Variants in RP1 observed in about 807,000 individuals in gnomAD.
RP1 encodes oxygen-regulated protein 1.
RP1 carries 16 observed loss-of-function variants against 14.8 expected under a neutral mutation model. The observed-to-expected ratio is 1.08, with a 90% CI of 0.73 to 1.65. RP1 has a LOEUF of 1.65. RP1 is among the 40% of genes most tolerant of loss of function. The pLI, the probability that RP1 is intolerant of heterozygous loss-of-function variation, is 0.00. For synonymous variants in RP1, 876 were observed against 883.6 expected (o/e 0.99, Z 0.15); for missense variants, 2,631 against 2,535.0 (o/e 1.04, Z -0.81).
chr8:54,734,724 G>C, exon 18 of RP1: 1 of 1,532,098 alleles, frequency 6.5e-7, no homozygotes, highest in Non-Finnish European at 8.7e-7. Flanking sequence ...CTTCCTTCCA[G>C]GACACGAGGA....
At chr8:54,691,150 A>G (rs979919227) in intron 12 of RP1, among the ~76,000 whole-genome samples, 1 of 152,028 alleles carries the variant, frequency 6.6e-6, no homozygotes, top group African/African-American at 2.4e-5. Flanking sequence ...CATATGGAGG[A>G]AGATTAGAAA....
intron 1 of RP1, among the ~76,000 whole-genome samples, chr8:54,617,870 G>C (rs542588894): frequency 6.6e-6 from 1 of 152,298 alleles, no homozygotes; most frequent in African/African-American, 2.4e-5. Context: ...CTTTCCAAAT[G>C]ATGACATTGT....
At chr8:54,806,756 T>C (rs1391474699) in intron 24 of RP1, among the ~76,000 whole-genome samples, 1 of 151,646 alleles carries the variant, frequency 6.6e-6, no homozygotes, top group African/African-American at 2.4e-5. Context: ...TTTGTATTTT[T>C]ACAAAAAAAA....
intron 12 of RP1, among the ~76,000 whole-genome samples, chr8:54,693,471 G>T (rs1807771665): frequency 6.6e-6 from 1 of 152,076 alleles, no homozygotes; most frequent in Non-Finnish European, 1.5e-5. Context: ...TCTTCCATTT[G>T]TTTGTATCCT....
At chr8:54,763,104 G>A (rs567680666) in intron 22 of RP1, among the ~76,000 whole-genome samples, 17 of 152,258 alleles carry the variant, frequency 1.1e-4, no homozygotes, top group African/African-American at 3.8e-4. Context: ...AGTGGATTCT[G>A]TAATGTATTG....
At chr8:54,812,108 C>A (rs543406610) in intron 24 of RP1, among the ~76,000 whole-genome samples, 3 of 152,288 alleles carry the variant, frequency 2.0e-5, no homozygotes, top group Non-Finnish European at 2.9e-5. Flanking sequence ...GTCATCAATA[C>A]AATAAGAAAT....
chr8:54,790,876 T>C lies in RP1; in HGVS notation c.3615+7166T>C, dbSNP rs527865186. Reference sequence around the variant, plus strand: ...AATGGGATACCATCAAGTGAAACAATATATGCATTATGAAAATTCCAGAAG... The same window carrying C: ...AATGGGATACCATCAAGTGAAACAACATATGCATTATGAAAATTCCAGAAG... On this transcript the variant is annotated intron_variant, in intron 24 of 28. Coordinates refer to the RP1 transcript ENST00000637698. Among the ~76,000 whole-genome samples the C allele has an allele frequency of 1.6e-3, 236 of 152,228 alleles. 1 individual carries two copies. The highest frequency in any genetic ancestry group is 5.3e-3 in the African/African-American group (222 of 41,536).
At chr8:54,680,944 C>T (rs1241582556) in intron 12 of RP1, among the ~76,000 whole-genome samples, 12 of 147,160 alleles carry the variant, frequency 8.2e-5, no homozygotes, top group South Asian at 2.2e-4. Flanking sequence ...GGCGACAGAG[C>T]GAGACTCTGT....
At chr8:54,755,670 C>T (rs774953241) in exon 21 of RP1, 67 of 1,535,864 alleles carry the variant, frequency 4.4e-5, no homozygotes, top group Middle Eastern at 1.7e-4. Context: ...CATGCAGAGA[C>T]GGAGTCTGAG....
In RP1 at chr8:54,673,369, T is replaced by A. The variant is rs1207074236; in HGVS notation, c.1324-481T>A. ...ATCGGAAGTATTCTGTGATTTTCAC[T>A]TTTTGTCTGTATTCTGAATATATAA... On this transcript the variant is annotated intron_variant, in intron 7 of 22. Coordinates refer to the RP1 transcript ENST00000636932. Among the ~76,000 whole-genome samples, 4 of 152,358 alleles carry A rather than the reference T, an allele frequency of 2.6e-5. No individual in the cohort carries two copies. In the East Asian group the frequency reaches 7.7e-4, roughly 29 times the overall value.
In RP1 at chr8:54,865,677, C is replaced by A. The variant is rs115024105; in HGVS notation, c.4070-158C>A. Among the ~76,000 whole-genome samples the A allele has an allele frequency of 1.7e-3, 177 of 104,478 alleles. 2 individuals are homozygous for A. The highest frequency in any genetic ancestry group is 3.1e-3 in the Non-Finnish European group (147 of 47,788). 68.5% of individuals were successfully genotyped at this position (104,478 alleles called of 152,430 possible). On this transcript the variant is annotated intron_variant, in intron 27 of 28. Coordinates refer to the RP1 transcript ENST00000637698. The stretch of plus-strand genomic sequence containing the variant: ...TCTGAGTAATTAGGTTGCTCACTCA[C>A]ATTTTCATTTCTCTACGGGCATAAT...
intron 1 of RP1, among the ~76,000 whole-genome samples, chr8:54,565,692 C>T (rs1456492814): frequency 3.9e-5 from 6 of 152,140 alleles, no homozygotes; most frequent in Non-Finnish European, 8.8e-5. Flanking sequence ...CTGTTACTCT[C>T]TGGGGGTGGA....
chr8:54,614,598 C>T (rs994229614), upstream of RP1, among the ~76,000 whole-genome samples: 27 of 152,224 alleles, frequency 1.8e-4, no homozygotes, highest in Middle Eastern at 3.4e-3. Flanking sequence ...TATGGTAGCT[C>T]GACTGGATAA....
chr8:54,749,340 A>G (rs952426862), intron 19 of RP1, among the ~76,000 whole-genome samples: 1 of 151,940 alleles, frequency 6.6e-6, no homozygotes, highest in Non-Finnish European at 1.5e-5. Flanking sequence ...CAAAAAAAAA[A>G]CAAAACAAAA....
chr8:54,668,679 T>G (rs1807074483), intron 7 of RP1, among the ~76,000 whole-genome samples: 1 of 151,992 alleles, frequency 6.6e-6, no homozygotes, highest in Non-Finnish European at 1.5e-5. Flanking sequence ...AAAACAGAGA[T>G]ATAGACCAAT....
At chr8:54,615,402 G>A (rs147161748), upstream of RP1, among the ~76,000 whole-genome samples, 49 of 152,262 alleles carry the variant, frequency 3.2e-4, no homozygotes, top group Non-Finnish European at 4.4e-4. Context: ...TAGGAAACCC[G>A]ATTAGGTGAA....
intron 1 of RP1, among the ~76,000 whole-genome samples, chr8:54,581,017 T>G (rs7015166): frequency 6.6e-6 from 1 of 152,008 alleles, no homozygotes; most frequent in Non-Finnish European, 1.5e-5. Flanking sequence ...TATTTTTTTT[T>G]ATTATACTTT....
intron 24 of RP1, among the ~76,000 whole-genome samples, chr8:54,791,755 C>G (rs1047318686): frequency 5.3e-5 from 8 of 151,844 alleles, no homozygotes; most frequent in African/African-American, 1.9e-4. Context: ...AGAATACCAA[C>G]ACAAAAGTCA....
chr8:54,738,983 T>C (rs955379418), exon 19 of RP1: 2 of 1,529,668 alleles, frequency 1.3e-6, no homozygotes, highest in Non-Finnish European at 1.7e-6. Context: ...AAGATAAGGA[T>C]AGGACATGAT....
Sources: allele counts gnomAD v4.1 joint callset (sites outside exome capture counted in the v4.1 genomes callset), GRCh38; gene constraint gnomAD v4.1.1; transcripts MANE v1.5; gene names NCBI Gene and HGNC (gene_info 2026-07-23, HGNC 2026-07-21).